Variants in ZNF292 observed in about 807,000 individuals in gnomAD.
The protein encoded by ZNF292 is zinc finger protein 292, also known as 16 zinc-finger domain protein.
Under a neutral mutation model 217.9 loss-of-function variants are expected in ZNF292, and 26 were observed. The observed-to-expected ratio is 0.12, with a 90% confidence interval of 0.09 to 0.17. The LOEUF (loss-of-function observed/expected upper bound fraction) is 0.17. Among genes scored for constraint, ZNF292 ranks in the 10% least tolerant of loss-of-function variants. The pLI, the probability that ZNF292 is intolerant of heterozygous loss-of-function variation, is 1.00. For missense variants in ZNF292, 2,904 were observed against 3,175.2 expected, an observed-to-expected ratio of 0.91 and a Z score of 2.05; for synonymous variants, 1,257 against 1,124.1, an observed-to-expected ratio of 1.12 and a Z score of -2.37.
chr6:87,215,301 A>C (rs1352122973), intron 1 of ZNF292, among the ~76,000 whole-genome samples: 4 of 151,128 alleles, frequency 2.6e-5, no homozygotes, highest in African/African-American at 7.3e-5. Context: ...AATTAAAAAA[A>C]CACTATTACA....
chr6:87,258,196 G>A lies in ZNF292; in HGVS notation c.4567G>A (p.Val1523Ile). ...AGGTTGTGTCTCTGATGCATCACAA[G>A]TAAATGCAACGGTGATGCCAAATCC... The part of the protein sequence containing the change: ...STGCVSDASQ[V>I]NATVMPNPTV... Residue 1523 changes from valine (V) to isoleucine (I), a missense_variant, in exon 8 of 8, where the codon GTA becomes ATA. Coordinates refer to ENST00000369577, the MANE Select transcript of ZNF292 (RefSeq NM_015021.3). The A allele has an allele frequency of 6.2e-7, 1 of 1,611,666 alleles. No homozygotes were observed.
intron 1 of ZNF292, among the ~76,000 whole-genome samples, chr6:87,199,601 T>C (rs1582409967): frequency 6.6e-6 from 1 of 152,174 alleles, no homozygotes; most frequent in East Asian, 1.9e-4. Context: ...TATGGTCCAT[T>C]TTGGGTTTTG....
intron 4 of ZNF292, among the ~76,000 whole-genome samples, chr6:87,231,045 A>C (rs752598546): frequency 7.9e-5 from 12 of 152,196 alleles, no homozygotes; most frequent in Non-Finnish European, 1.5e-4. Context: ...AGAAGCATGA[A>C]AACAGTCTTT....
chr6:87,201,717 T>G lies in ZNF292; in HGVS notation c.169-14186T>G, dbSNP rs1219531585. On this transcript the variant is annotated intron_variant, in intron 1 of 7. Coordinates refer to ENST00000369577, the MANE Select transcript of ZNF292 (RefSeq NM_015021.3). Reference sequence around the variant, plus strand: ...CCACACCCAGCCTCATCCTAAAGTTTTAAAGTATTGCTTTTCACATTCAGT... The same window carrying G: ...CCACACCCAGCCTCATCCTAAAGTTGTAAAGTATTGCTTTTCACATTCAGT... Among the ~76,000 whole-genome samples the G allele has an allele frequency of 2.6e-5, 4 of 152,202 alleles. No individual in the cohort carries two copies. In the East Asian group the frequency reaches 7.7e-4, roughly 29 times the overall value.
In ZNF292 at chr6:87,254,856, G is replaced by A. The variant is rs75154406; in HGVS notation, c.1227G>A (p.Leu409=). ...TVDAYYAVEM[L]YNQPDQKYDE... is the part of the protein sequence containing the mutation. ...ATGCGTATTATGCTGTGGAAATGTT[G>A]TATAATCAGCCAGACCAGAAATATG... Residue 409 remains leucine, a synonymous_variant, in exon 8 of 8, where the codon TTG becomes TTA. Transcript: ENST00000369577. 1.8e-3 allele frequency: 2,929 copies of A among 1,613,778 alleles called. 60 individuals are homozygous for A. The African/African-American group carries it at 0.035, about 19-fold the overall frequency.
intron 1 of ZNF292, among the ~76,000 whole-genome samples, chr6:87,164,085 TC>T (rs1289081153): frequency 6.6e-6 from 1 of 152,202 alleles, no homozygotes; most frequent in African/African-American, 2.4e-5. Context: ...TTACAAACTA[TC>T]CAAAAACTTA....
At chr6:87,155,839 G>A in intron 1 of ZNF292, 80 bp downstream of exon 1, 2 of 1,436,190 alleles carry the variant, frequency 1.4e-6, no homozygotes, top group Admixed American at 2.8e-5. Context: ...CGGCCGAGAG[G>A]TGGTCGCCGC....
At chr6:87,229,920 G>A (rs1773561020) in intron 4 of ZNF292, among the ~76,000 whole-genome samples, 2 of 150,892 alleles carry the variant, frequency 1.3e-5, no homozygotes, top group Admixed American at 1.3e-4. Context: ...AGATGGAGAC[G>A]ACTAGTAGAT....
chr6:87,244,687 G>A (rs1774477539), intron 6 of ZNF292, among the ~76,000 whole-genome samples: 1 of 152,060 alleles, frequency 6.6e-6, no homozygotes, highest in African/African-American at 2.4e-5. Context: ...AAATTACTGT[G>A]GCACAGATTG....
intron 1 of ZNF292, among the ~76,000 whole-genome samples, chr6:87,209,875 A>C (rs1404919224): frequency 6.6e-6 from 1 of 152,204 alleles, no homozygotes; most frequent in Non-Finnish European, 1.5e-5. Flanking sequence ...TTAAGAGAGT[A>C]AAGAGTCATG....
In ZNF292 at chr6:87,260,441, C is replaced by G; in HGVS notation, c.6812C>G (p.Ser2271Trp). 6.2e-7 allele frequency: 1 copy of G among 1,613,512 alleles called. No individual in the cohort carries two copies. The highest frequency in any genetic ancestry group is 8.5e-7 in the Non-Finnish European group (1 of 1,179,686). Reference protein sequence around the residue: ...EGCDRIYATRSNLLRHIFNKH... With the variant: ...EGCDRIYATRWNLLRHIFNKH... The stretch of plus-strand genomic sequence containing the variant: ...TGTGACCGTATATATGCAACCCGGT[C>G]GAATCTCCTCCGACACATTTTTAAT... The change falls in exon 8 of 8, where the codon TCG becomes TGG. Residue 2271 changes from serine to tryptophan, a missense_variant. Around this residue, in one of 15 missense-constraint regions of ZNF292, gnomAD observed 55 missense variants for 99.8 expected, o/e 0.55. Transcript: ENST00000369577.
intron 1 of ZNF292, among the ~76,000 whole-genome samples, chr6:87,187,823 T>TG (rs1771711029): frequency 6.6e-6 from 1 of 152,086 alleles, no homozygotes; most frequent in East Asian, 1.9e-4. Flanking sequence ...TATGAGTAGT[T>TG]GCAACATTAA....
chr6:87,185,275 A>G (rs189364484), intron 1 of ZNF292, among the ~76,000 whole-genome samples: 87 of 152,260 alleles, frequency 5.7e-4, no homozygotes, highest in Admixed American at 2.1e-3. Flanking sequence ...CTTTCCCCAG[A>G]ATTCGACTGT....
chr6:87,192,507 GT>G (rs1771846915), intron 1 of ZNF292, among the ~76,000 whole-genome samples: 1 of 151,676 alleles, frequency 6.6e-6, no homozygotes, highest in Non-Finnish European at 1.5e-5. Context: ...ACGATTTTAC[GT>G]TTTTTATCAT....
chr6:87,196,275 A>G (rs1315843999), intron 1 of ZNF292, among the ~76,000 whole-genome samples: 1 of 152,120 alleles, frequency 6.6e-6, no homozygotes, highest in Admixed American at 6.5e-5. Flanking sequence ...CTTTAATGTG[A>G]TGTTTTTTTC....
At chr6:87,165,860 C>G (rs950243588) in intron 1 of ZNF292, among the ~76,000 whole-genome samples, 3 of 149,876 alleles carry the variant, frequency 2.0e-5, no homozygotes, top group Admixed American at 6.7e-5. Context: ...CAGGTTTAAG[C>G]GATTCTCCCG....
intron 1 of ZNF292, among the ~76,000 whole-genome samples, chr6:87,184,685 A>G (rs1259299166): frequency 6.6e-6 from 1 of 152,176 alleles, no homozygotes; most frequent in Non-Finnish European, 1.5e-5. Flanking sequence ...GAGTTCCACA[A>G]CAGTCCATCT....
Position 87,257,614 on chromosome 6 carries a change from A to G in ZNF292, c.3985A>G (p.Asn1329Asp), listed in dbSNP as rs777416290. The change falls in exon 8 of 8, where the codon AAC becomes GAC. Residue 1329 changes from asparagine (N) to aspartate (D), a missense_variant. Around this residue, in one of 15 missense-constraint regions of ZNF292, gnomAD observed 687 missense variants for 623.0 expected, o/e 1.10. Coordinates refer to ENST00000369577, the MANE Select transcript of ZNF292 (RefSeq NM_015021.3). ...TCCTTCACAAGTGAATGTTGCAAAT[A>G]ACTTCAGTAGCACCAATGCCCAACA... is the stretch of plus-strand genomic sequence containing the variant. ...VFPSQVNVAN[N>D]FSSTNAQQSA... 9.3e-6 allele frequency: 15 copies of G among 1,607,744 alleles called. No homozygotes were observed. The highest frequency in any genetic ancestry group is 1.3e-5 in the African/African-American group (1 of 74,892).
At chr6:87,229,285 GT>G (rs1390632748) in intron 4 of ZNF292, among the ~76,000 whole-genome samples, 2 of 151,986 alleles carry the variant, frequency 1.3e-5, no homozygotes, top group East Asian at 3.8e-4. Context: ...TACCAAATTT[GT>G]TTATTAGTTG....
Sources: allele counts gnomAD v4.1 joint callset (sites outside exome capture counted in the v4.1 genomes callset), GRCh38; gene constraint gnomAD v4.1.1; regional missense constraint gnomAD v4.1.1; transcripts MANE v1.5; gene names NCBI Gene and HGNC (gene_info 2026-07-23, HGNC 2026-07-21).